The following TMF1 variants were observed in gnomAD, a reference collection of about 807,000 sequenced individuals.
TMF1 encodes TATA element modulatory factor 1.
Under a neutral mutation model 126.5 loss-of-function variants are expected in TMF1, and 71 were observed. The ratio of observed to expected loss-of-function variants is 0.56; its 90% CI spans 0.46 to 0.68. TMF1 has a LOEUF of 0.68. Ranked by LOEUF, TMF1 falls within the 30% of genes least tolerant of loss-of-function variation. The probability of loss-of-function intolerance (pLI) is 0.00; values close to 1 mark genes in which losing one functional copy is unlikely to be tolerated. For missense variants in TMF1, 1,259 were observed against 1,253.2 expected (o/e 1.00, Z -0.07); for synonymous variants, 461 against 430.5 (o/e 1.07, Z -0.88).
intron 9 of TMF1, chr3:69,033,959 A>C (rs753474704): frequency 1.5e-4 from 37 of 255,168 alleles, no homozygotes; most frequent in Middle Eastern, 1.3e-3. Flanking sequence ...GACTACAGGT[A>C]CACGCCACCA....
At position 69,029,955 on chromosome 3, in the gene TMF1, T is replaced by G. The variant is rs564370705; in HGVS notation, c.2454A>C (p.Thr818=). The G allele has an allele frequency of 6.2e-7, 1 of 1,614,186 alleles. No homozygotes were observed. The highest frequency in any genetic ancestry group is 2.2e-5 in the East Asian group (1 of 44,880). ...GAATTTTGTTAGCAAGGAGTTCTTC[T>G]GTAGCTGCACGTTCTCTCTCAACTG... ...AAAVERERAA[T]EELLANKIQM... The change falls in exon 11 of 17, where the codon ACA becomes ACC. Residue 818 remains threonine, a synonymous_variant. Transcript: ENST00000398559.
intron 1 of TMF1, among the ~76,000 whole-genome samples, chr3:69,050,038 C>A (rs957752389): frequency 6.6e-6 from 1 of 151,758 alleles, no homozygotes; most frequent in Non-Finnish European, 1.5e-5. Context: ...GGCGGGCGGA[C>A]CACCTGAGGT....
rs2091934947 is a variant in TMF1 at position 69,052,164 on chromosome 3, G to C, written c.-78C>G. 2 of 1,444,108 alleles carry C rather than the reference G, an allele frequency of 1.4e-6. No homozygotes were observed. Among genetic ancestry groups the C allele is most frequent in the African/African-American group, 1.4e-5 (1 of 69,794 alleles). 89.5% of individuals were successfully genotyped at this position (1,444,108 alleles called of 1,614,324 possible). On this transcript the variant is annotated 5_prime_UTR_variant, in exon 1 of 17. Coordinates refer to ENST00000398559, the MANE Select transcript of TMF1 (RefSeq NM_007114.3). ...GGCCTGGGGAAGGGTGCAGAGGAAC[G>C]GCTTCGCTCCCCTTTTCCACTCGGC...
At chr3:69,026,222 A>G in intron 13 of TMF1, 125 bp from the exon 14 acceptor site, 2 of 571,568 alleles carry the variant, frequency 3.5e-6, no homozygotes, top group South Asian at 5.4e-5. Flanking sequence ...ACTACAAAGG[A>G]ATTCAATACA....
intron 15 of TMF1, 124 bp from the exon 16 acceptor site, chr3:69,024,304 A>G: frequency 2.3e-6 from 2 of 860,136 alleles, no homozygotes; most frequent in Non-Finnish European, 3.4e-6. Context: ...ATGTCAACAT[A>G]TAACCTTGAG....
intron 1 of TMF1, among the ~76,000 whole-genome samples, chr3:69,051,375 T>G (rs1016661113): frequency 1.3e-5 from 2 of 152,020 alleles, no homozygotes; most frequent in Middle Eastern, 3.2e-3. Context: ...CTAGGGAGGC[T>G]GGGGAAGGAG....
chr3:69,028,363 T>G lies in TMF1; in HGVS notation c.2595-68A>C, dbSNP rs1450515657. The G allele has an allele frequency of 4.8e-6, 5 of 1,035,276 alleles. No homozygotes were observed. In the African/African-American group the frequency reaches 8.0e-5, roughly 17 times the overall value. 64.1% of individuals were successfully genotyped at this position (1,035,276 alleles called of 1,614,324 possible). A position where few individuals can be genotyped will look rare whatever the true frequency, so the allele number is the denominator to read the frequency against. ...GATGCTAGTATAGACTATTAAAAACTCAGTACTTTATTAACTCCAGCTACA... is the reference window on the plus strand; with the variant it reads ...GATGCTAGTATAGACTATTAAAAACGCAGTACTTTATTAACTCCAGCTACA... On this transcript the variant is annotated intron_variant, in intron 11 of 16. Coordinates refer to ENST00000398559, the MANE Select transcript of TMF1 (RefSeq NM_007114.3).
intron 1 of TMF1, chr3:69,049,009 C>T: frequency 6.4e-6 from 1 of 156,014 alleles, no homozygotes; most frequent in Middle Eastern, 7.8e-4. Context: ...AGAAAAATGA[C>T]CCTACCTATT....
Position 69,033,632 on chromosome 3 carries a change from G to A in TMF1, c.2317C>T (p.Arg773Ter), listed in dbSNP as rs1482259215. ...GTTGCTTGCAAATTTTCTATTTGTC[G>A]AAGCAATGGTCTTGTTGTTGATGAA... ...SVSSTTRPLL[R>*]QIENLQATLG... is the part of the protein sequence containing the mutation. Residue 773 changes from arginine to a stop codon, truncating the protein, a stop_gained, in exon 10 of 17, where the codon CGA becomes TGA. Transcript: ENST00000398559. LOFTEE classifies it high-confidence loss of function. 4 of 1,613,842 alleles carry A rather than the reference G, an allele frequency of 2.5e-6. No individual in the cohort carries two copies. Among genetic ancestry groups the A allele is most frequent in the African/African-American group, 2.7e-5 (2 of 74,874 alleles).
chr3:69,025,836 A>G, intron 14 of TMF1, 124 bp from the exon 15 acceptor site: 1 of 1,225,158 alleles, frequency 8.2e-7, no homozygotes, highest in Non-Finnish European at 1.1e-6. Flanking sequence ...GCAGAAAATC[A>G]TTCACGTGTT....
rs1207796979 is a variant in TMF1, at chr3:69,023,294, AAT to A, written c.3163_3164del (p.Ile1055SerfsTer31). 1 of 1,611,838 alleles carries A rather than the reference AAT, an allele frequency of 6.2e-7. No individual in the cohort carries two copies. The highest frequency in any genetic ancestry group is 1.3e-5 in the African/African-American group (1 of 74,860). ...LRDLDQRYNT[I>X]LQMYGEKAEE... ...CTGCTTTTTCTCCATACATCTGCAG[AAT>A]AGTGTTGTACCTTTGATCCAAATCC... On this transcript the variant is annotated frameshift_variant, in exon 17 of 17. Transcript: ENST00000398559. LOFTEE classifies it high-confidence loss of function.
Position 69,047,417 on chromosome 3 carries a change from G to C in TMF1, c.1288C>G (p.Gln430Glu), listed in dbSNP as rs35447207. Residue 430 changes from glutamine (Q) to glutamate (E), a missense_variant, in exon 2 of 17, where the codon CAG (glutamine) becomes GAG (glutamate). By Grantham distance (29) the Gln-to-Glu change is conservative. Coordinates refer to ENST00000398559, the MANE Select transcript of TMF1 (RefSeq NM_007114.3). ...GGCTGACTTTCAGCAGGTTCACACT[G>C]CTCAGCCACCTTGTCTAACACAGTC... Reference protein sequence around the residue: ...GQTVLDKVAEQCEPAESQPEA... With the variant: ...GQTVLDKVAEECEPAESQPEA... 473 of 1,613,848 alleles carry C rather than the reference G, an allele frequency of 2.9e-4. 1 individual carries two copies. In the African/African-American group the frequency reaches 5.3e-3, roughly 18 times the overall value.
chr3:69,024,267 G>GTTT, intron 15 of TMF1, 87 bp from the exon 16 acceptor site: 2 of 1,094,554 alleles, frequency 1.8e-6, no homozygotes, highest in Non-Finnish European at 2.4e-6. Context: ...ATGTGTGTGT[G>GTTT]GTTTTTTTTT....
intron 5 of TMF1, chr3:69,040,450 A>T (rs2091857275): frequency 6.6e-6 from 1 of 152,266 alleles, no homozygotes; most frequent in Non-Finnish European, 1.5e-5. Context: ...TAGGAGCAGA[A>T]TGTTACGGTA....
intron 8 of TMF1, chr3:69,035,492 T>C (rs2091826823): frequency 6.0e-6 from 1 of 166,972 alleles, no homozygotes; most frequent in Non-Finnish European, 1.3e-5. Flanking sequence ...GGAGCATACA[T>C]TATAAACTAC....
At chr3:69,034,688 A>G (rs1297634494) in intron 9 of TMF1, among the ~76,000 whole-genome samples, 1 of 152,222 alleles carries the variant, frequency 6.6e-6, no homozygotes, top group East Asian at 1.9e-4. Context: ...ATGACTGAAA[A>G]TTAACAGAGG....
Position 69,020,688 on chromosome 3 carries a change from T to TA in TMF1, c.*2488dup, listed in dbSNP as rs1273070783. 41 of 152,308 alleles carry TA rather than the reference T, an allele frequency of 2.7e-4. No individual in the cohort carries two copies. The highest frequency in any genetic ancestry group is 1.2e-3 in the Admixed American group (19 of 15,304). The allele number at this position is 152,308 out of a possible 1,614,324, so 9.4% of individuals were successfully genotyped here. On this transcript the variant is annotated 3_prime_UTR_variant, in exon 17 of 17. Transcript: ENST00000398559. ...GAAACTGTTTAAGTTCACTTTAACT[T>TA]ACAGAAGTATTGAGAGATCCAAGTG...
Position 69,047,783 on chromosome 3 carries a change from C to A in TMF1, c.922G>T (p.Asp308Tyr). The change falls in exon 2 of 17, where the codon GAT (aspartate) becomes TAT (tyrosine). Residue 308 changes from aspartate to tyrosine, a missense_variant. Coordinates refer to ENST00000398559, the MANE Select transcript of TMF1 (RefSeq NM_007114.3). Reference sequence around the variant, plus strand: ...CTCTCAGTGAGTTTTTGGAAATCATCTAAACGATTATATTCAGGACAAGCA... The same window carrying A: ...CTCTCAGTGAGTTTTTGGAAATCATATAAACGATTATATTCAGGACAAGCA... ...ASACPEYNRL[D>Y]DFQKLTESCC... is the part of the protein sequence containing the mutation. The A allele has an allele frequency of 6.2e-7, 1 of 1,614,022 alleles. No individual in the cohort carries two copies. Among genetic ancestry groups the A allele is most frequent in the Non-Finnish European group, 8.5e-7 (1 of 1,180,012 alleles).
At chr3:69,039,128 G>C (rs1042955415) in intron 6 of TMF1, 119 bp from the exon 7 acceptor site, 1 of 917,020 alleles carries the variant, frequency 1.1e-6, no homozygotes, top group Non-Finnish European at 1.5e-6. Context: ...ACAAAGTCTC[G>C]CTCTATTGCC....
Sources: allele counts gnomAD v4.1 joint callset (sites outside exome capture counted in the v4.1 genomes callset), GRCh38; gene constraint gnomAD v4.1.1; transcripts MANE v1.5; gene names NCBI Gene and HGNC (gene_info 2026-07-23, HGNC 2026-07-21).